Variants in RMST observed in about 807,000 individuals in gnomAD.
RMST encodes the protein rhabdomyosarcoma 2 associated transcript.
chr12:97,539,491 T>G (rs1028635665), intron 11 of RMST, among the ~76,000 whole-genome samples: 1 of 151,588 alleles, frequency 6.6e-6, no homozygotes, highest in Non-Finnish European at 1.5e-5. Flanking sequence ...CTAAGGCAAC[T>G]GCTAAATAAA....
chr12:97,465,751 G>C (rs905486910), intron 5 of RMST: 1 of 152,086 alleles, frequency 6.6e-6, no homozygotes, highest in African/African-American at 2.4e-5. Flanking sequence ...ATTTTTAAAA[G>C]TGCAATTTTC....
At chr12:97,509,872 A>T (rs7295287) in intron 10 of RMST, among the ~76,000 whole-genome samples, 27,605 of 151,876 alleles carry the variant, frequency 0.18, 4,890 homozygotes, top group African/African-American at 0.45. Flanking sequence ...GGAACCCAAT[A>T]CTCTGCAGTA....
At chr12:97,517,753 A>G (rs1880083949) in intron 10 of RMST, among the ~76,000 whole-genome samples, 1 of 152,020 alleles carries the variant, frequency 6.6e-6, no homozygotes, top group South Asian at 2.1e-4. Context: ...TTATATGAAC[A>G]TCTGTGTATG....
intron 10 of RMST, among the ~76,000 whole-genome samples, chr12:97,526,512 G>A (rs1432590264): frequency 6.6e-6 from 1 of 152,040 alleles, no homozygotes; most frequent in Non-Finnish European, 1.5e-5. Flanking sequence ...AAGCATATGT[G>A]ACTATATAGA....
intron 13 of RMST, among the ~76,000 whole-genome samples, chr12:97,561,577 A>C (rs1169354496): frequency 4.8e-5 from 7 of 144,450 alleles, no homozygotes; most frequent in Non-Finnish European, 1.1e-4. Context: ...TCCCTTTGGG[A>C]CGAGCATGAT....
chr12:97,471,459 T>C (rs1873903059), intron 5 of RMST, among the ~76,000 whole-genome samples: 1 of 152,124 alleles, frequency 6.6e-6, no homozygotes, highest in Non-Finnish European at 1.5e-5. Flanking sequence ...GCTGTCCTGC[T>C]TTTAAGAAAC....
At chr12:97,502,440 T>C (rs1878184848) in intron 10 of RMST, among the ~76,000 whole-genome samples, 1 of 152,148 alleles carries the variant, frequency 6.6e-6, no homozygotes, top group Non-Finnish European at 1.5e-5. Context: ...GAGGCAGACA[T>C]TGAAAATATT....
intron 5 of RMST, among the ~76,000 whole-genome samples, chr12:97,488,051 T>C (rs769868519): frequency 3.3e-5 from 5 of 152,168 alleles, no homozygotes; most frequent in Non-Finnish European, 7.4e-5. Context: ...CATCCCCATC[T>C]AGAGACCTGG....
At chr12:97,486,281 G>T (rs552249643) in intron 5 of RMST, among the ~76,000 whole-genome samples, 3 of 151,990 alleles carry the variant, frequency 2.0e-5, no homozygotes, top group Non-Finnish European at 4.4e-5. Flanking sequence ...AATCACCTCT[G>T]GCTTTTTAAA....
chr12:97,521,415 T>C (rs114234054), intron 10 of RMST, among the ~76,000 whole-genome samples: 2,012 of 152,272 alleles, frequency 0.013, 48 homozygotes, highest in African/African-American at 0.046. Context: ...TATTAAACAT[T>C]TACTTTATCC....
chr12:97,496,744 G>C (rs1041075721), intron 10 of RMST, among the ~76,000 whole-genome samples: 1 of 152,118 alleles, frequency 6.6e-6, no homozygotes, highest in Non-Finnish European at 1.5e-5. Flanking sequence ...CATTAGCCCT[G>C]CTCCCTGAAT....
rs17027129 is a variant in RMST at position 97,531,352 on chromosome 12, A to C, written n.1545+493A>C. Among the ~76,000 whole-genome samples, 923 of 152,170 alleles carry C rather than the reference A, an allele frequency of 6.1e-3. 7 individuals are homozygous for C. Among genetic ancestry groups the C allele is most frequent in the African/African-American group, 0.021 (890 of 41,532 alleles). On this transcript the variant is annotated intron_variant and non_coding_transcript_variant, in intron 11 of 13. Transcript: ENST00000640149. ...CTAAGGTCTTGACTTAAGTCGCACA[A>C]CATAATTGGGGCTTTTTAAAACAAC...
chr12:97,484,807 A>T (rs1002977537), intron 5 of RMST, among the ~76,000 whole-genome samples: 1 of 152,242 alleles, frequency 6.6e-6, no homozygotes, highest in African/African-American at 2.4e-5. Flanking sequence ...CATATAATTT[A>T]CAGAGTCTTC....
At chr12:97,478,463 G>T (rs1296233597) in intron 5 of RMST, among the ~76,000 whole-genome samples, 1 of 152,144 alleles carries the variant, frequency 6.6e-6, no homozygotes, top group Non-Finnish European at 1.5e-5. Context: ...ACTTGTTTAA[G>T]GTCACACAGC....
chr12:97,506,746 C>T (rs1878723829), intron 10 of RMST, among the ~76,000 whole-genome samples: 1 of 141,674 alleles, frequency 7.1e-6, no homozygotes, highest in African/African-American at 2.7e-5. Context: ...TGCAATGGCG[C>T]AATCTCCGCT....
intron 11 of RMST, among the ~76,000 whole-genome samples, chr12:97,554,819 G>A (rs1565939371): frequency 6.6e-6 from 1 of 152,126 alleles, no homozygotes; most frequent in Non-Finnish European, 1.5e-5. Context: ...TAAATATTGT[G>A]AGGAATGGAA....
chr12:97,506,685 T>C lies in RMST; in HGVS notation n.1340+10629T>C, dbSNP rs539735780. Among the ~76,000 whole-genome samples the C allele has an allele frequency of 8.2e-4, 119 of 144,364 alleles. 1 individual carries two copies. The East Asian group carries it at 0.019, about 23-fold the overall frequency. 94.7% of individuals were successfully genotyped at this position (144,364 alleles called of 152,430 possible). Reference sequence around the variant, plus strand: ...ACATTAGGGTAATCTGTTTTTTTTTTTTTTTTTTTTTTTTTGGAGATGTAG... The same window carrying C: ...ACATTAGGGTAATCTGTTTTTTTTTCTTTTTTTTTTTTTTTGGAGATGTAG... On this transcript the variant is annotated intron_variant and non_coding_transcript_variant, in intron 10 of 13. Coordinates refer to ENST00000640149, the Ensembl canonical transcript of RMST.
intron 5 of RMST, among the ~76,000 whole-genome samples, chr12:97,475,620 C>T (rs1278235337): frequency 6.8e-6 from 1 of 148,142 alleles, no homozygotes; most frequent in East Asian, 2.0e-4. Flanking sequence ...ACATGTCAGG[C>T]ATCATTTTCA....
chr12:97,541,023 T>C (rs1882473689), intron 11 of RMST, among the ~76,000 whole-genome samples: 1 of 151,460 alleles, frequency 6.6e-6, no homozygotes, highest in Admixed American at 6.6e-5. Context: ...TATATATATA[T>C]ATATATGTGT....
Sources: allele counts gnomAD v4.1 joint callset (sites outside exome capture counted in the v4.1 genomes callset), GRCh38; gene constraint gnomAD v4.1.1; transcripts MANE v1.5; gene names NCBI Gene and HGNC (gene_info 2026-07-23, HGNC 2026-07-21).